KCNK15: variants seen among roughly 807,000 people sequenced by gnomAD.
The protein encoded by KCNK15 is potassium channel subfamily K member 15.
Under a neutral mutation model 8.5 loss-of-function variants are expected in KCNK15, and 9 were observed. That is an observed-to-expected ratio of 1.06 (90% CI 0.64 to 1.85). The LOEUF is 1.85. KCNK15 is among the 40% of genes most tolerant of loss of function. The pLI, the probability that KCNK15 is intolerant of heterozygous loss-of-function variation, is 0.00. For synonymous variants in KCNK15, 224 were observed against 232.7 expected (o/e 0.96, Z 0.34); for missense variants, 467 against 476.8 (o/e 0.98, Z 0.19).
chr20:44,750,017 C>T (rs947883272), intron 1 of KCNK15, 112 bp from the exon 2 acceptor site: 50 of 968,072 alleles, frequency 5.2e-5, no homozygotes, highest in Non-Finnish European at 6.7e-5. Flanking sequence ...TTGGAGATGC[C>T]CTTCCAGCCC....
In KCNK15 at chr20:44,746,015, C is replaced by G. The variant is rs952591436; in HGVS notation, c.105C>G (p.Ser35Arg). 1.3e-6 allele frequency: 2 copies of G among 1,528,416 alleles called. No homozygotes were observed. The highest frequency in any genetic ancestry group is 1.8e-6 in the Non-Finnish European group (2 of 1,137,486). The allele number at this position is 1,528,416 out of a possible 1,614,324, so 94.7% of individuals were successfully genotyped here. Residue 35 changes from serine (S) to arginine (R), a missense_variant, in exon 1 of 2, where the codon AGC (serine) becomes AGG (arginine). Physicochemically the swap from Ser to Arg is moderately radical, Grantham distance 110. Around this residue, in one of 2 missense-constraint regions of KCNK15, gnomAD observed 455 missense variants for 441.2 expected, o/e 1.03. Transcript: ENST00000372861. ...ACGCGCTCGAGTCCGAGGCGGAAAG[C>G]GGCCGCCAGCGACTGCTGGTCCAGA... ...VFDALESEAE[S>R]GRQRLLVQKR...
Position 44,750,564 on chromosome 20 carries a change from A to G in KCNK15, c.719A>G (p.Asn240Ser), listed in dbSNP as rs1441603569. The G allele has an allele frequency of 2.5e-6, 4 of 1,604,904 alleles. No individual in the cohort carries two copies. The highest frequency in any genetic ancestry group is 1.7e-4 in the Middle Eastern group (1 of 6,054). ...CTCACGGTCATTGGCGCCTTCCTCA[A>G]CCTGGTGGTCCTGCGCTTCCTCGTT... ...LGLTVIGAFL[N>S]LVVLRFLVAS... The change falls in exon 2 of 2, where the codon AAC becomes AGC. Residue 240 changes from asparagine to serine, a missense_variant. Physicochemically the swap from Asn to Ser is conservative, Grantham distance 46. Transcript: ENST00000372861.
chr20:44,746,213 C>A lies in KCNK15; in HGVS notation c.283+20C>A. The A allele has an allele frequency of 7.3e-7, 1 of 1,369,750 alleles. No individual in the cohort carries two copies. The highest frequency in any genetic ancestry group is 9.5e-7 in the Non-Finnish European group (1 of 1,053,560). 84.8% of individuals were successfully genotyped at this position (1,369,750 alleles called of 1,614,324 possible). A position where few individuals can be genotyped will look rare whatever the true frequency, so the allele number is the denominator to read the frequency against. ...CCATCGGTGAGCCGCCCGGAGCCTC[C>A]CTCCGCGCCCGCTCCAGCCCCAGCC... is the stretch of plus-strand genomic sequence containing the variant. On this transcript the variant is annotated intron_variant, in intron 1 of 1. Transcript: ENST00000372861.
rs76172170 is a variant in KCNK15 at position 44,749,370 on chromosome 20, T to C, written c.284-759T>C. On this transcript the variant is annotated intron_variant, in intron 1 of 1. Coordinates refer to ENST00000372861, the MANE Select transcript of KCNK15 (RefSeq NM_022358.4). ...TGCCCAGTCGTGTTTAGATTCCCTA[T>C]AGTAGTTGAAGGGACCCAGTAAGAA... Among the ~76,000 whole-genome samples the C allele has an allele frequency of 6.6e-3, 1,005 of 152,084 alleles. 6 individuals are homozygous for C. The highest frequency in any genetic ancestry group is 0.023 in the African/African-American group (948 of 41,464).
At chr20:44,749,978 G>T in intron 1 of KCNK15, 151 bp from the exon 2 acceptor site, 3 of 691,744 alleles carry the variant, frequency 4.3e-6, no homozygotes, top group South Asian at 3.9e-5. Flanking sequence ...GAAGTTTGGG[G>T]TGATGAATGA....
At position 44,752,300 on chromosome 20, in the gene KCNK15, T is replaced by C. The variant is rs1441311556; in HGVS notation, c.*1462T>C. ...ACAGCACTGCTGCTCAATAAATAAA[T>C]GCAGGTGACCTTGCCTGACGCAACA... On this transcript the variant is annotated 3_prime_UTR_variant, in exon 2 of 2. Coordinates refer to ENST00000372861, the MANE Select transcript of KCNK15 (RefSeq NM_022358.4). 6.6e-6 allele frequency: 1 copy of C among 152,186 alleles called. No individual in the cohort carries two copies. The highest frequency in any genetic ancestry group is 1.5e-5 in the Non-Finnish European group (1 of 68,058). The allele number at this position is 152,186 out of a possible 1,614,324, so 9.4% of individuals were successfully genotyped here. A position where few individuals can be genotyped will look rare whatever the true frequency, so the allele number is the denominator to read the frequency against.
intron 1 of KCNK15, 28 bp downstream of exon 1, chr20:44,746,221 C>T (rs1396007308): frequency 7.3e-7 from 1 of 1,361,542 alleles, no homozygotes; most frequent in Non-Finnish European, 9.5e-7. Context: ...TCCCTCCGCG[C>T]CCGCTCCAGC....
At chr20:44,749,753 T>A (rs1366125658) in intron 1 of KCNK15, among the ~76,000 whole-genome samples, 1 of 152,192 alleles carries the variant, frequency 6.6e-6, no homozygotes, top group African/African-American at 2.4e-5. Context: ...TGTTCTCTGT[T>A]GCCACAGTTT....
At position 44,746,154 on chromosome 20, in the gene KCNK15, G is replaced by A. The variant is rs759103647; in HGVS notation, c.244G>A (p.Gly82Ser). ...CGCCGGCCGCCAGTGGAAGTTCCCC[G>A]GCTCCTTCTACTTCGCCATCACCGT... ...HRAGRQWKFP[G>S]SFYFAITVIT... Residue 82 changes from glycine (G) to serine (S), a missense_variant, in exon 1 of 2, where the codon GGC becomes AGC. Physicochemically the swap from Gly to Ser is moderately conservative, Grantham distance 56. Around this residue, in one of 2 missense-constraint regions of KCNK15, gnomAD observed 455 missense variants for 441.2 expected, o/e 1.03. Transcript: ENST00000372861. The A allele has an allele frequency of 7.0e-7, 1 of 1,420,730 alleles. No individual in the cohort carries two copies. The highest frequency in any genetic ancestry group is 2.8e-5 in the East Asian group (1 of 36,152). The allele number at this position is 1,420,730 out of a possible 1,614,324, so 88.0% of individuals were successfully genotyped here. A position where few individuals can be genotyped will look rare whatever the true frequency, so the allele number is the denominator to read the frequency against.
In KCNK15 at chr20:44,746,158, C is replaced by T. The variant is rs2145433929; in HGVS notation, c.248C>T (p.Ser83Phe). Residue 83 changes from serine (S) to phenylalanine (F), a missense_variant, in exon 1 of 2, where the codon TCC becomes TTC. By Grantham distance (155) the Ser-to-Phe change is radical. Around this residue, in one of 2 missense-constraint regions of KCNK15, gnomAD observed 455 missense variants for 441.2 expected, o/e 1.03. Coordinates refer to ENST00000372861, the MANE Select transcript of KCNK15 (RefSeq NM_022358.4). ...GGCCGCCAGTGGAAGTTCCCCGGCTCCTTCTACTTCGCCATCACCGTCATC... is the reference window on the plus strand; with the variant it reads ...GGCCGCCAGTGGAAGTTCCCCGGCTTCTTCTACTTCGCCATCACCGTCATC... ...RAGRQWKFPG[S>F]FYFAITVITT... 2 of 1,418,488 alleles carry T rather than the reference C, an allele frequency of 1.4e-6. No homozygotes were observed. The highest frequency in any genetic ancestry group is 2.8e-5 in the East Asian group (1 of 36,188). 87.9% of individuals were successfully genotyped at this position (1,418,488 alleles called of 1,614,324 possible).
chr20:44,746,698 T>TA (rs1460728736), intron 1 of KCNK15: 1 of 153,734 alleles, frequency 6.5e-6, no homozygotes, highest in South Asian at 2.1e-4. Flanking sequence ...AGGCCTGTGC[T>TA]AAAACATGAC....
At chr20:44,746,454 G>A (rs2066008430) in intron 1 of KCNK15, among the ~76,000 whole-genome samples, 1 of 152,154 alleles carries the variant, frequency 6.6e-6, no homozygotes, top group Non-Finnish European at 1.5e-5. Context: ...GCTGACCCAG[G>A]AGTGCTCAGA....
chr20:44,748,512 C>T (rs774724957), intron 1 of KCNK15, among the ~76,000 whole-genome samples: 1 of 152,160 alleles, frequency 6.6e-6, no homozygotes, highest in Non-Finnish European at 1.5e-5. Context: ...AAAAGGAATT[C>T]TCCCTCCCAC....
intron 1 of KCNK15, among the ~76,000 whole-genome samples, chr20:44,747,871 G>C (rs1601009073): frequency 1.3e-5 from 2 of 151,938 alleles, no homozygotes; most frequent in South Asian, 4.2e-4. Context: ...GCCCGTGGAG[G>C]GTGCTGGTTA....
chr20:44,749,403 G>A (rs528617639), intron 1 of KCNK15, among the ~76,000 whole-genome samples: 1 of 152,222 alleles, frequency 6.6e-6, no homozygotes, highest in African/African-American at 2.4e-5. Flanking sequence ...GAATCGCCAC[G>A]CCAGACAATC....
Position 44,750,265 on chromosome 20 carries a change from G to T in KCNK15, c.420G>T (p.Leu140=). 1 of 1,607,016 alleles carries T rather than the reference G, an allele frequency of 6.2e-7. No individual in the cohort carries two copies. Residue 140 remains leucine, a synonymous_variant, in exon 2 of 2, where the codon CTG becomes CTT. Coordinates refer to ENST00000372861, the MANE Select transcript of KCNK15 (RefSeq NM_022358.4). ...TGAACGCGGTGGTGCGGCGCCTCCT[G>T]TTGGCGGCCAAGTGCTGCCTGGGCC... ...ERLNAVVRRL[L]LAAKCCLGLR...
intron 1 of KCNK15, among the ~76,000 whole-genome samples, chr20:44,749,372 G>C (rs2066019472): frequency 6.6e-6 from 1 of 152,136 alleles, no homozygotes; most frequent in South Asian, 2.1e-4. Flanking sequence ...ATTCCCTATA[G>C]TAGTTGAAGG....
rs763091781 is a variant in KCNK15 at position 44,750,173 on chromosome 20, T to C, written c.328T>C (p.Cys110Arg). Residue 110 changes from cysteine (C) to arginine (R), a missense_variant, in exon 2 of 2, where the codon TGC becomes CGC. Around this residue, in one of 2 missense-constraint regions of KCNK15, gnomAD observed 455 missense variants for 441.2 expected, o/e 1.03. Coordinates refer to ENST00000372861, the MANE Select transcript of KCNK15 (RefSeq NM_022358.4). ...APGTDSGKVF[C>R]MFYALLGIPL... ...GGGTACGGACTCCGGCAAGGTCTTCTGCATGTTCTACGCGCTCCTGGGCAT... is the reference window on the plus strand; with the variant it reads ...GGGTACGGACTCCGGCAAGGTCTTCCGCATGTTCTACGCGCTCCTGGGCAT... The C allele has an allele frequency of 1.9e-6, 3 of 1,612,760 alleles. No homozygotes were observed. The highest frequency in any genetic ancestry group is 2.2e-5 in the South Asian group (2 of 91,054).
intron 1 of KCNK15, 151 bp downstream of exon 1, chr20:44,746,344 C>G: frequency 1.6e-6 from 1 of 631,510 alleles, no homozygotes; most frequent in Non-Finnish European, 2.3e-6. Flanking sequence ...TCCTTCGCCT[C>G]CCTCGTCTCC....
Sources: gnomAD v4.1 joint callset for allele counts (sites outside exome capture counted in the v4.1 genomes callset) on GRCh38, gnomAD v4.1.1 for gene constraint, gnomAD v4.1.1 regional missense constraint, MANE v1.5 for transcripts, NCBI Gene and HGNC (gene_info 2026-07-23, HGNC 2026-07-21) for gene names.